The following PRKN variants were observed in gnomAD, a reference collection of about 807,000 sequenced individuals.
PRKN encodes the protein E3 ubiquitin-protein ligase parkin.
A neutral mutation model predicts 59.5 loss-of-function variants in PRKN; 56 were observed. The ratio of observed to expected loss-of-function variants is 0.94; its 90% CI spans 0.76 to 1.18. The LOEUF is 1.18. Among genes scored for constraint, PRKN ranks in the 50% most tolerant of loss-of-function variants. PRKN has a pLI of 0.00. For missense variants in PRKN, 657 were observed against 596.4 expected, an observed-to-expected ratio of 1.10 and a Z score of -1.06; for synonymous variants, 250 against 222.1, an observed-to-expected ratio of 1.13 and a Z score of -1.12.
At chr6:161,968,018 G>T (rs1780646898) in intron 6 of PRKN, among the ~76,000 whole-genome samples, 1 of 151,806 alleles carries the variant, frequency 6.6e-6, no homozygotes, top group East Asian at 1.9e-4. Flanking sequence ...CATTATCAGT[G>T]TGGGGCCTTT....
At chr6:162,291,009 T>C (rs1212775429) in intron 2 of PRKN, among the ~76,000 whole-genome samples, 2 of 152,210 alleles carry the variant, frequency 1.3e-5, no homozygotes, top group Non-Finnish European at 2.9e-5. Flanking sequence ...GTAGGATAAC[T>C]GTGTGTACTT....
At chr6:161,825,332 T>G (rs376483236) in intron 6 of PRKN, among the ~76,000 whole-genome samples, 1 of 143,652 alleles carries the variant, frequency 7.0e-6, no homozygotes. Context: ...ATTATAGTAA[T>G]ACTTTTGCAT....
intron 5 of PRKN, among the ~76,000 whole-genome samples, chr6:162,024,235 T>C (rs1228589135): frequency 7.1e-6 from 1 of 141,624 alleles, no homozygotes; most frequent in East Asian, 2.3e-4. Flanking sequence ...TTTCACTCTG[T>C]TGCCCAGGCT....
chr6:162,719,010 C>A (rs1427915218), intron 1 of PRKN, among the ~76,000 whole-genome samples: 1 of 152,054 alleles, frequency 6.6e-6, no homozygotes, highest in Non-Finnish European at 1.5e-5. Flanking sequence ...TAGAGAGGGA[C>A]AAAAGGAAGA....
chr6:161,629,694 G>A lies in PRKN; in HGVS notation c.872-60278C>T, dbSNP rs528691885. On this transcript the variant is annotated intron_variant, in intron 7 of 11. Coordinates refer to ENST00000366898, the MANE Select transcript of PRKN (RefSeq NM_004562.3). ...TCACCCAACCATCCTCCGCACTCTC[G>A]CTCTGCCTGCCTCCTTCCCCACCCA... is the stretch of plus-strand genomic sequence containing the variant. 9.9e-5 allele frequency among the ~76,000 whole-genome samples: 15 copies of A among 152,026 alleles called. No homozygotes were observed. The East Asian group carries it at 2.5e-3, about 26-fold the overall frequency.
chr6:162,522,282 C>T (rs1296538159), intron 1 of PRKN, among the ~76,000 whole-genome samples: 2 of 152,180 alleles, frequency 1.3e-5, no homozygotes, highest in Non-Finnish European at 1.5e-5. Flanking sequence ...GACAACCATG[C>T]CCGGCTAATT....
chr6:161,863,314 C>T (rs1793981804), intron 6 of PRKN, among the ~76,000 whole-genome samples: 1 of 145,880 alleles, frequency 6.9e-6, no homozygotes, highest in Admixed American at 6.9e-5. Context: ...AACCATGTTC[C>T]TTGGATTTAT....
chr6:161,534,565 GC>G (rs1331369690), intron 9 of PRKN, among the ~76,000 whole-genome samples: 14 of 152,194 alleles, frequency 9.2e-5, no homozygotes, highest in Admixed American at 9.2e-4. Context: ...GGGTACGAAG[GC>G]CCTTAAGTAT....
chr6:161,636,926 A>G lies in PRKN; in HGVS notation c.872-67510T>C, dbSNP rs183417464. Among the ~76,000 whole-genome samples the G allele has an allele frequency of 2.4e-4, 36 of 152,264 alleles. No individual in the cohort carries two copies. The East Asian group carries it at 7.0e-3, about 29-fold the overall frequency. ...ACTGCCTGAGCGCTCAGGTCTGTTC[A>G]TGTTCATTTTAGATGAAGTTTTGCA... is the stretch of plus-strand genomic sequence containing the variant. On this transcript the variant is annotated intron_variant, in intron 7 of 11. Coordinates refer to ENST00000366898, the MANE Select transcript of PRKN (RefSeq NM_004562.3).
intron 5 of PRKN, among the ~76,000 whole-genome samples, chr6:162,010,113 C>T (rs1013402749): frequency 2.0e-5 from 3 of 149,028 alleles, no homozygotes; most frequent in African/African-American, 5.0e-5. Flanking sequence ...CTCTTGTTTG[C>T]CTTTGCTGCA....
Position 161,363,700 on chromosome 6 carries a change from T to C in PRKN, c.1168-3495A>G, listed in dbSNP as rs1785072792. On this transcript the variant is annotated intron_variant, in intron 10 of 11. Transcript: ENST00000366898. The surrounding 1 kb of genome is among the most constrained non-coding windows in gnomAD (Gnocchi z 4.1). ...ACAATTATTCCCCCCAGCTGATTTC[T>C]TAATGCATGGGTGCTGGCAGACAGT... Among the ~76,000 whole-genome samples the C allele has an allele frequency of 6.6e-6, 1 of 152,204 alleles. No individual in the cohort carries two copies. Among genetic ancestry groups the C allele is most frequent in the Admixed American group, 6.5e-5 (1 of 15,280 alleles).
At chr6:161,846,415 A>AT (rs1238135877) in intron 6 of PRKN, among the ~76,000 whole-genome samples, 1 of 152,180 alleles carries the variant, frequency 6.6e-6, no homozygotes, top group African/African-American at 2.4e-5. Flanking sequence ...GATAATTATT[A>AT]TGCTCTTTAT....
intron 6 of PRKN, among the ~76,000 whole-genome samples, chr6:161,929,010 C>T (rs928264813): frequency 2.0e-5 from 3 of 152,092 alleles, no homozygotes; most frequent in Non-Finnish European, 4.4e-5. Flanking sequence ...CAAACCCACA[C>T]TTGTATAGAT....
intron 1 of PRKN, chr6:162,568,566 C>A: frequency 1.2e-6 from 1 of 814,930 alleles, no homozygotes; most frequent in Non-Finnish European, 2.1e-6. Context: ...CCAGGCCGTG[C>A]AGGAGCAGGA....
intron 7 of PRKN, among the ~76,000 whole-genome samples, chr6:161,659,924 A>T (rs553085820): frequency 7.9e-5 from 12 of 152,246 alleles, no homozygotes; most frequent in Admixed American, 3.3e-4. Context: ...TTCATTACCG[A>T]GTTCATACAG....
At position 161,400,979 on chromosome 6, in the gene PRKN, T is replaced by C. The variant is rs1227681441; in HGVS notation, c.1084-14102A>G. Among the ~76,000 whole-genome samples, 1 of 151,754 alleles carries C rather than the reference T, an allele frequency of 6.6e-6. No individual in the cohort carries two copies. The highest frequency in any genetic ancestry group is 1.5e-5 in the Non-Finnish European group (1 of 68,038). ...CCAGGCCATTACTCAAGGGGAAGACTGTTGATCAGAGTACACTGCAAACAA... is the reference window on the plus strand; with the variant it reads ...CCAGGCCATTACTCAAGGGGAAGACCGTTGATCAGAGTACACTGCAAACAA... On this transcript the variant is annotated intron_variant, in intron 9 of 11. Transcript: ENST00000366898. This position sits in a 1 kb window ranked among gnomAD's most constrained non-coding sequence, Gnocchi z 4.2.
At chr6:162,576,060 G>A (rs926062969) in intron 1 of PRKN, among the ~76,000 whole-genome samples, 54 of 152,234 alleles carry the variant, frequency 3.5e-4, no homozygotes, top group African/African-American at 1.2e-3. Context: ...AGGAGACCAC[G>A]CATGGCTTGA....
At chr6:162,579,701 AC>A (rs1219713149) in intron 1 of PRKN, among the ~76,000 whole-genome samples, 4 of 148,994 alleles carry the variant, frequency 2.7e-5, no homozygotes, top group South Asian at 2.1e-4. Flanking sequence ...ACATAAACAC[AC>A]AAATTTCACA....
chr6:162,117,966 C>T (rs1015738970), intron 4 of PRKN, among the ~76,000 whole-genome samples: 1 of 151,980 alleles, frequency 6.6e-6, no homozygotes, highest in Non-Finnish European at 1.5e-5. Context: ...CATGATGGCA[C>T]ACACCTGTAA....
Sources: allele counts gnomAD v4.1 joint callset (sites outside exome capture counted in the v4.1 genomes callset), GRCh38; gene constraint gnomAD v4.1.1; non-coding constraint Gnocchi (gnomAD v3.1); transcripts MANE v1.5; gene names NCBI Gene and HGNC (gene_info 2026-07-23, HGNC 2026-07-21).